ARHGEF11: variants seen among roughly 807,000 people sequenced by gnomAD.
The protein encoded by ARHGEF11 is Rho guanine nucleotide exchange factor 11, also known as Rho guanine exchange factor (GEF) 11.
ARHGEF11 carries 55 observed loss-of-function variants against 193.7 expected under a neutral mutation model. That is an observed-to-expected ratio of 0.28 (90% CI 0.23 to 0.36). The LOEUF (loss-of-function observed/expected upper bound fraction) is 0.36. Ranked by LOEUF, ARHGEF11 falls within the 10% of genes least tolerant of loss-of-function variation. The probability of loss-of-function intolerance (pLI) is 1.00; values close to 1 mark genes in which losing one functional copy is unlikely to be tolerated. For synonymous variants in ARHGEF11, 693 were observed against 768.0 expected, an observed-to-expected ratio of 0.90 and a Z score of 1.62; for missense variants, 1,723 against 2,005.6, an observed-to-expected ratio of 0.86 and a Z score of 2.69.
Position 156,939,613 on chromosome 1 carries a change from T to C in ARHGEF11, c.4031A>G (p.Asp1344Gly), listed in dbSNP as rs1656350164. The change falls in exon 37 of 41, where the codon GAC becomes GGC. Residue 1344 changes from aspartate (D) to glycine (G), a missense_variant. Physicochemically the swap from Asp to Gly is moderately conservative, Grantham distance 94. Around this residue, in one of 5 missense-constraint regions of ARHGEF11, gnomAD observed 360 missense variants for 344.4 expected, o/e 1.05. Transcript: ENST00000368194. ...TGAAGCATCTTCAGCCAGATTCCTG[T>C]CCAGTTCTGGAGACTCCCATATCCC... The part of the protein sequence containing the change: ...NSGIWESPEL[D>G]RNLAEDASST... The C allele has an allele frequency of 6.2e-7, 1 of 1,613,492 alleles. No homozygotes were observed.
chr1:156,979,098 T>A, intron 5 of ARHGEF11, 131 bp downstream of exon 5: 10 of 794,872 alleles, frequency 1.3e-5, no homozygotes, highest in Non-Finnish European at 2.1e-5. Context: ...CGATTAAAGA[T>A]GTGACTTTAG....
In ARHGEF11 at chr1:156,941,918, T is replaced by C. The variant is rs1242136921; in HGVS notation, c.3398A>G (p.His1133Arg). 43 of 1,614,000 alleles carry C rather than the reference T, an allele frequency of 2.7e-5. No homozygotes were observed. The highest frequency in any genetic ancestry group is 3.6e-5 in the Non-Finnish European group (43 of 1,179,966). Residue 1133 changes from histidine to arginine, a missense_variant, in exon 34 of 41, where the codon CAT (histidine) becomes CGT (arginine). His to Arg is a conservative substitution (Grantham distance 29). Transcript: ENST00000368194. ...CTCCCGGGGACCTGGGGGTGGAGGA[T>C]GGACGGGCATTGGGGCAGCTCCGGG... ...RHPGAAPMPV[H>R]PPPPGPREPA...
At chr1:156,963,153 T>C in intron 13 of ARHGEF11, 50 bp downstream of exon 13, 1 of 1,447,086 alleles carries the variant, frequency 6.9e-7, no homozygotes, top group Non-Finnish European at 9.7e-7. Context: ...AGAGGTCCTC[T>C]CTGCCCAGTA....
chr1:157,015,717 T>A (rs1050516101), intron 1 of ARHGEF11, among the ~76,000 whole-genome samples: 1 of 152,196 alleles, frequency 6.6e-6, no homozygotes, highest in Non-Finnish European at 1.5e-5. Flanking sequence ...CACAGGCATG[T>A]GTGGATTAGT....
intron 1 of ARHGEF11, among the ~76,000 whole-genome samples, chr1:157,017,481 G>A (rs903963984): frequency 2.6e-5 from 4 of 152,140 alleles, no homozygotes; most frequent in African/African-American, 9.7e-5. Flanking sequence ...GTCGAGGCAG[G>A]TGGATCACGA....
intron 1 of ARHGEF11, among the ~76,000 whole-genome samples, chr1:157,002,626 C>G (rs16837952): frequency 0.027 from 4,090 of 152,226 alleles, 72 homozygotes; most frequent in South Asian, 0.054. Context: ...TCATATCTCA[C>G]TCCAACTAGA....
In ARHGEF11 at chr1:157,023,301, G is replaced by A. The variant is rs146536942; in HGVS notation, c.32+20998C>T. 1.1e-4 allele frequency among the ~76,000 whole-genome samples: 17 copies of A among 152,074 alleles called. No individual in the cohort carries two copies. The East Asian group carries it at 1.5e-3, about 14-fold the overall frequency. ...TCTTAAAACTCAACAATAAAGGGAC[G>A]AATAACTTAAATAAAAAATGGGCAA... On this transcript the variant is annotated intron_variant, in intron 1 of 40. Transcript: ENST00000368194.
At chr1:157,036,113 GAATATATATATGAA>G (rs1557991576) in intron 1 of ARHGEF11, among the ~76,000 whole-genome samples, 3 of 133,274 alleles carry the variant, frequency 2.3e-5, no homozygotes, top group South Asian at 2.3e-4. Flanking sequence ...GAATATATAT[GAATATATATATGAA>G]AATATATATA....
At chr1:156,946,187 G>A (rs1398672904) in intron 28 of ARHGEF11, 25 bp from the exon 29 acceptor site, 1 of 1,603,688 alleles carries the variant, frequency 6.2e-7, no homozygotes, top group East Asian at 2.2e-5. Flanking sequence ...ACACAGAAGG[G>A]AGGAGATGTC....
intron 1 of ARHGEF11, among the ~76,000 whole-genome samples, chr1:156,989,824 T>A (rs1665462695): frequency 6.6e-6 from 1 of 152,238 alleles, no homozygotes; most frequent in South Asian, 2.1e-4. Flanking sequence ...ATGCCCTTCA[T>A]TTAGATTCAG....
intron 5 of ARHGEF11, 137 bp from the exon 6 acceptor site, chr1:156,978,519 T>G: frequency 1.5e-6 from 2 of 1,360,266 alleles, no homozygotes; most frequent in Non-Finnish European, 1.9e-6. Flanking sequence ...TCACTTTTAA[T>G]GCCCCACCCA....
intron 34 of ARHGEF11, 142 bp from the exon 35 acceptor site, chr1:156,941,575 A>T (rs1451620002): frequency 1.0e-6 from 1 of 979,362 alleles, no homozygotes; most frequent in East Asian, 2.6e-5. Context: ...CCCAGAGAGG[A>T]GGGGGGCTGC....
At position 156,935,359 on chromosome 1, in the gene ARHGEF11, C is replaced by G. The variant is rs1323476688; in HGVS notation, c.*641G>C. 1 of 152,186 alleles carries G rather than the reference C, an allele frequency of 6.6e-6. No homozygotes were observed. The highest frequency in any genetic ancestry group is 1.9e-4 in the East Asian group (1 of 5,198). 9.4% of individuals were successfully genotyped at this position (152,186 alleles called of 1,614,324 possible). A position where few individuals can be genotyped will look rare whatever the true frequency, so the allele number is the denominator to read the frequency against. On this transcript the variant is annotated 3_prime_UTR_variant, in exon 41 of 41. Transcript: ENST00000368194. Reference sequence around the variant, plus strand: ...TCCCACTCACAGGGACAGGAACACTCAGGCCTGGCTCCCGCTTTAGGCTCG... The same window carrying G: ...TCCCACTCACAGGGACAGGAACACTGAGGCCTGGCTCCCGCTTTAGGCTCG...
At chr1:156,974,267 T>C (rs548946705) in intron 7 of ARHGEF11, among the ~76,000 whole-genome samples, 19 of 152,198 alleles carry the variant, frequency 1.2e-4, no homozygotes, top group Admixed American at 7.2e-4. Context: ...ATGGTCTCAC[T>C]ATGCTGCCCA....
chr1:156,988,996 G>C (rs185733966), intron 1 of ARHGEF11, among the ~76,000 whole-genome samples: 12 of 152,246 alleles, frequency 7.9e-5, no homozygotes, highest in Admixed American at 7.8e-4. Flanking sequence ...GGAAAGGAGA[G>C]AGGAGGGTAG....
intron 1 of ARHGEF11, among the ~76,000 whole-genome samples, chr1:157,019,267 A>G (rs544114567): frequency 1.4e-4 from 21 of 152,240 alleles, no homozygotes; most frequent in Middle Eastern, 3.2e-3. Flanking sequence ...AAAAAGGCAT[A>G]TACATGACAA....
intron 21 of ARHGEF11, among the ~76,000 whole-genome samples, chr1:156,953,298 G>C (rs933429393): frequency 6.6e-6 from 1 of 152,174 alleles, no homozygotes; most frequent in African/African-American, 2.4e-5. Flanking sequence ...AATTAGCCAG[G>C]TGTGGTGATA....
In ARHGEF11 at chr1:157,044,354, C is replaced by G. The variant is rs767369207; in HGVS notation, c.-24G>C. 5 of 1,612,890 alleles carry G rather than the reference C, an allele frequency of 3.1e-6. No homozygotes were observed. Among genetic ancestry groups the G allele is most frequent in the Non-Finnish European group, 4.2e-6 (5 of 1,179,372 alleles). On this transcript the variant is annotated 5_prime_UTR_variant, in exon 1 of 41. Transcript: ENST00000368194. ...ATGGTTTCTCGGTGTCTCCACGGTTCCAGAATCCTGTAGCTTTGGTGTCTT... is the reference window on the plus strand; with the variant it reads ...ATGGTTTCTCGGTGTCTCCACGGTTGCAGAATCCTGTAGCTTTGGTGTCTT...
chr1:156,940,343 C>T lies in ARHGEF11; in HGVS notation c.3597G>A (p.Glu1199=). The change falls in exon 36 of 41, where the codon GAG becomes GAA. Residue 1199 remains glutamate, a synonymous_variant. Coordinates refer to ENST00000368194, the MANE Select transcript of ARHGEF11 (RefSeq NM_198236.3). The part of the protein sequence containing the change: ...DPEQEGSAEE[E]ELGVLPCPST... ...AAGGGCAAGGCAGGACACCCAGTTC[C>T]TCTTCCTCTGCACTGCCCTCCTGCT... 6.2e-7 allele frequency: 1 copy of T among 1,613,970 alleles called. No individual in the cohort carries two copies. Among genetic ancestry groups the T allele is most frequent in the Non-Finnish European group, 8.5e-7 (1 of 1,179,906 alleles).
Sources: gnomAD v4.1 joint callset for allele counts (sites outside exome capture counted in the v4.1 genomes callset) on GRCh38, gnomAD v4.1.1 for gene constraint, gnomAD v4.1.1 regional missense constraint, MANE v1.5 for transcripts, NCBI Gene and HGNC (gene_info 2026-07-23, HGNC 2026-07-21) for gene names.